The following GRHL2 variants were observed in gnomAD, a reference collection of about 807,000 sequenced individuals.
GRHL2 encodes grainyhead like transcription factor 2, also known as grainyhead-like protein 2 homolog.
A neutral mutation model predicts 83.8 loss-of-function variants in GRHL2; 21 were observed. The ratio of observed to expected loss-of-function variants is 0.25; its 90% CI spans 0.18 to 0.36. The LOEUF (loss-of-function observed/expected upper bound fraction) is 0.36. Ranked by LOEUF, GRHL2 falls within the 10% of genes least tolerant of loss-of-function variation. GRHL2 has a pLI of 1.00. For synonymous variants in GRHL2, 280 were observed against 278.9 expected, an observed-to-expected ratio of 1.00 and a Z score of -0.04; for missense variants, 623 against 781.8, an observed-to-expected ratio of 0.80 and a Z score of 2.42.
intron 13 of GRHL2, among the ~76,000 whole-genome samples, chr8:101,648,265 T>A (rs1048410492): frequency 6.6e-6 from 1 of 152,214 alleles, no homozygotes; most frequent in African/African-American, 2.4e-5. Flanking sequence ...TGTGGGACCC[T>A]GGGGGAGTGT....
At chr8:101,524,326 C>T (rs1354537063) in intron 1 of GRHL2, among the ~76,000 whole-genome samples, 2 of 152,156 alleles carry the variant, frequency 1.3e-5, no homozygotes, top group East Asian at 1.9e-4. Flanking sequence ...TCCTTTCTGT[C>T]AAGTCTTTAC....
intron 8 of GRHL2, among the ~76,000 whole-genome samples, chr8:101,608,584 A>G (rs1350966145): frequency 6.9e-6 from 1 of 144,442 alleles, no homozygotes; most frequent in Non-Finnish European, 1.5e-5. Context: ...CTGAAGAGAG[A>G]GGCAGCTCCA....
At chr8:101,532,648 G>A (rs572767601) in intron 1 of GRHL2, among the ~76,000 whole-genome samples, 5 of 152,050 alleles carry the variant, frequency 3.3e-5, no homozygotes, top group Admixed American at 2.0e-4. Context: ...TACTCGGCGG[G>A]GGGGCTGAGG....
chr8:101,569,437 T>C (rs1041788188), intron 4 of GRHL2, among the ~76,000 whole-genome samples: 3 of 152,236 alleles, frequency 2.0e-5, no homozygotes, highest in African/African-American at 7.2e-5. Flanking sequence ...GTGCTCACTA[T>C]GTACCAGGCT....
At position 101,572,604 on chromosome 8, in the gene GRHL2, G is replaced by T. The variant is rs62519118; in HGVS notation, c.735-1064G>T. 2.3e-3 allele frequency among the ~76,000 whole-genome samples: 350 copies of T among 152,184 alleles called. 1 individual carries two copies. Among genetic ancestry groups the T allele is most frequent in the South Asian group, 7.5e-3 (36 of 4,820 alleles). On this transcript the variant is annotated intron_variant, in intron 5 of 15. Transcript: ENST00000646743. ...GCTAAAAAAATAAACACAATGGAGA[G>T]TTTCTGATGATCTAGAAAATATGTG...
chr8:101,677,115 TGAG>T, the GRHL2 span, among the ~76,000 whole-genome samples: 49 of 151,998 alleles, frequency 3.2e-4, no homozygotes, highest in Non-Finnish European at 6.9e-4. Flanking sequence ...TAATGCTAAA[TGAG>T]GAGTTAATGG....
intron 13 of GRHL2, among the ~76,000 whole-genome samples, chr8:101,644,826 A>C (rs1032983765): frequency 6.7e-6 from 1 of 150,272 alleles, no homozygotes; most frequent in Non-Finnish European, 1.5e-5. Context: ...GCTTCTATAG[A>C]CCCAAGACCT....
In GRHL2 at chr8:101,562,524, A is replaced by G. The variant is rs1415484270; in HGVS notation, c.678+3712A>G. ...TGTGGGTCCCCACCAACCAAACACCAAGCTTGAGAGGTGATGTAATTTTTA... is the reference window on the plus strand; with the variant it reads ...TGTGGGTCCCCACCAACCAAACACCGAGCTTGAGAGGTGATGTAATTTTTA... On this transcript the variant is annotated intron_variant, in intron 4 of 15. Coordinates refer to ENST00000646743, the MANE Select transcript of GRHL2 (RefSeq NM_024915.4). The G allele has an allele frequency of 1.9e-5, 5 of 265,066 alleles. No individual in the cohort carries two copies. In the South Asian group the frequency reaches 3.5e-4, roughly 18 times the overall value. 16.4% of individuals were successfully genotyped at this position (265,066 alleles called of 1,614,324 possible). A position where few individuals can be genotyped will look rare whatever the true frequency, so the allele number is the denominator to read the frequency against.
At position 101,559,869 on chromosome 8, in the gene GRHL2, C is replaced by T. The variant is rs75870859; in HGVS notation, c.678+1057C>T. Among the ~76,000 whole-genome samples the T allele has an allele frequency of 5.1e-3, 781 of 152,270 alleles. 2 individuals are homozygous for T. The highest frequency in any genetic ancestry group is 8.1e-3 in the Non-Finnish European group (554 of 68,032). ...CCCTGCTCACCTTGCATTTGGCGAG[C>T]GTGGATCTGCCTACTGTCACTATAG... On this transcript the variant is annotated intron_variant, in intron 4 of 15. Transcript: ENST00000646743.
intron 9 of GRHL2, among the ~76,000 whole-genome samples, chr8:101,624,449 T>TACAGTACACAGTAGG: frequency 9.2e-6 from 1 of 109,126 alleles, no homozygotes; most frequent in Non-Finnish European, 2.0e-5. Flanking sequence ...TAGGACAGTT[T>TACAGTACACAGTAGG]ACAGTACACA....
At position 101,621,735 on chromosome 8, in the gene GRHL2, A is replaced by G. The variant is rs116433463; in HGVS notation, c.1257+2038A>G. Among the ~76,000 whole-genome samples, 773 of 152,200 alleles carry G rather than the reference A, an allele frequency of 5.1e-3. 7 individuals carry two copies. Among genetic ancestry groups the G allele is most frequent in the African/African-American group, 0.017 (713 of 41,524 alleles). On this transcript the variant is annotated intron_variant, in intron 9 of 15. Coordinates refer to ENST00000646743, the MANE Select transcript of GRHL2 (RefSeq NM_024915.4). ...ACAAAGCGAGACCCCTGTCTCTACA[A>G]AAAAATGTAAAAATTAGCCAGGTTC...
At chr8:101,570,077 CA>C (rs1811791157) in intron 4 of GRHL2, among the ~76,000 whole-genome samples, 1 of 152,156 alleles carries the variant, frequency 6.6e-6, no homozygotes, top group Non-Finnish European at 1.5e-5. Context: ...AAACAGCTTC[CA>C]GTACCTCAAA....
the GRHL2 span, among the ~76,000 whole-genome samples, chr8:101,674,933 T>C: frequency 8.5e-5 from 13 of 152,156 alleles, no homozygotes; most frequent in African/African-American, 2.9e-4. Context: ...TAATCCAGCA[T>C]ATAAACAGAA....
intron 3 of GRHL2, among the ~76,000 whole-genome samples, chr8:101,557,003 G>T (rs1402594771): frequency 6.6e-6 from 1 of 151,758 alleles, no homozygotes; most frequent in Non-Finnish European, 1.5e-5. Flanking sequence ...CTCCAGTTCA[G>T]CAATGATAAA....
At chr8:101,649,679 G>C (rs542905153) in intron 14 of GRHL2, among the ~76,000 whole-genome samples, 180 bp downstream of exon 14, 1 of 152,224 alleles carries the variant, frequency 6.6e-6, no homozygotes, top group Admixed American at 6.5e-5. Context: ...AGCATCTTGA[G>C]GAGAAGGAAA....
Position 101,573,653 on chromosome 8 carries a change from T to C in GRHL2, c.735-15T>C, listed in dbSNP as rs984302973. The C allele has an allele frequency of 6.2e-7, 1 of 1,614,144 alleles. No individual in the cohort carries two copies. On this transcript the variant is annotated splice_polypyrimidine_tract_variant and intron_variant, in intron 5 of 15. Transcript: ENST00000646743. ...CAAGTGAGTGGATCTGACCGCTGTT[T>C]GTTTTCTTTCACAGTGGCACATTTC...
intron 8 of GRHL2, among the ~76,000 whole-genome samples, chr8:101,609,672 G>A (rs1256720149): frequency 1.3e-5 from 2 of 150,738 alleles, no homozygotes; most frequent in African/African-American, 2.5e-5. Context: ...AGCGATCTTC[G>A]GACTTTATTG....
chr8:101,594,590 C>T (rs1022112788), intron 7 of GRHL2, among the ~76,000 whole-genome samples: 3 of 152,150 alleles, frequency 2.0e-5, no homozygotes, highest in Admixed American at 1.3e-4. Flanking sequence ...CTGTTTAGTC[C>T]CTTGGAAGAC....
chr8:101,655,157 G>A (rs541192107), intron 14 of GRHL2, among the ~76,000 whole-genome samples: 1 of 149,992 alleles, frequency 6.7e-6, no homozygotes, highest in East Asian at 2.0e-4. Context: ...ACTCCAGCCT[G>A]GGCAACAAGA....
Sources: allele counts gnomAD v4.1 joint callset (sites outside exome capture counted in the v4.1 genomes callset), GRCh38; gene constraint gnomAD v4.1.1; transcripts MANE v1.5; gene names NCBI Gene and HGNC (gene_info 2026-07-23, HGNC 2026-07-21).